ADGRG6: variants seen among roughly 807,000 people sequenced by gnomAD.
ADGRG6 encodes G-protein coupled receptor 126.
A neutral mutation model predicts 142.4 loss-of-function variants in ADGRG6; 84 were observed. The ratio of observed to expected loss-of-function variants is 0.59; its 90% CI spans 0.49 to 0.71. The LOEUF (loss-of-function observed/expected upper bound fraction) is 0.71. Ranked by LOEUF, ADGRG6 falls within the 30% of genes least tolerant of loss-of-function variation. ADGRG6 has a pLI of 0.00. For missense variants in ADGRG6, 1,367 were observed against 1,466.6 expected (o/e 0.93, Z 1.11); for synonymous variants, 521 against 520.5 (o/e 1.00, Z -0.01).
At chr6:142,411,073 G>A (rs569808149) in intron 17 of ADGRG6, among the ~76,000 whole-genome samples, 1 of 152,190 alleles carries the variant, frequency 6.6e-6, no homozygotes, top group East Asian at 1.9e-4. Flanking sequence ...GAACTCTCAA[G>A]TTTGAACCTA....
intron 22 of ADGRG6, among the ~76,000 whole-genome samples, chr6:142,428,861 T>G (rs1481927429): frequency 6.7e-6 from 1 of 150,338 alleles, no homozygotes; most frequent in Non-Finnish European, 1.5e-5. Context: ...CCTACTTAAT[T>G]TAAGTTACAG....
intron 1 of ADGRG6, among the ~76,000 whole-genome samples, chr6:142,306,299 A>G (rs1303148704): frequency 6.6e-6 from 1 of 152,210 alleles, no homozygotes; most frequent in Non-Finnish European, 1.5e-5. Context: ...AAGGAATCAT[A>G]TCGACATTTA....
In ADGRG6 at chr6:142,419,994, T is replaced by G. The variant is rs774692267; in HGVS notation, c.3209T>G (p.Val1070Gly). The G allele has an allele frequency of 6.2e-6, 10 of 1,613,576 alleles. No homozygotes were observed. The highest frequency in any genetic ancestry group is 7.6e-6 in the Non-Finnish European group (9 of 1,179,586). Residue 1070 changes from valine to glycine, a missense_variant, in exon 22 of 25, where the codon GTG (valine) becomes GGG (glycine). By Grantham distance (109) the Val-to-Gly change is moderately radical. Around this residue, in one of 3 missense-constraint regions of ADGRG6, gnomAD observed 344 missense variants for 348.7 expected, o/e 0.99. Coordinates refer to ENST00000367609, the MANE Select transcript of ADGRG6 (RefSeq NM_198569.3). The stretch of plus-strand genomic sequence containing the variant: ...GAAGTGTTAAGGAACCTGCGCAGTG[T>G]GGTTAGCTTGACCTTTCTGTTGGGC... ...REEVLRNLRS[V>G]VSLTFLLGMT...
At chr6:142,436,675 C>T (rs1399222405) in intron 22 of ADGRG6, among the ~76,000 whole-genome samples, 1 of 152,020 alleles carries the variant, frequency 6.6e-6, no homozygotes, top group Non-Finnish European at 1.5e-5. Flanking sequence ...ATGGACATAA[C>T]CAAGTATAGA....
chr6:142,433,786 T>A (rs982762694), intron 22 of ADGRG6, among the ~76,000 whole-genome samples: 10 of 152,260 alleles, frequency 6.6e-5, no homozygotes, highest in African/African-American at 2.4e-4. Flanking sequence ...CCAGTCACGA[T>A]GGCTCATGCC....
chr6:142,341,485 A>AGT (rs1779629649), intron 2 of ADGRG6, among the ~76,000 whole-genome samples: 1 of 118,940 alleles, frequency 8.4e-6, no homozygotes, highest in African/African-American at 3.3e-5. Flanking sequence ...TAGTATATAT[A>AGT]CTATATAATA....
rs1562369231 is a variant in ADGRG6 at position 142,402,822 on chromosome 6, A to C, written c.1947A>C (p.Ser649=). The change falls in exon 13 of 25, where the codon TCA becomes TCC. Residue 649 remains serine, a synonymous_variant. Coordinates refer to ENST00000367609, the MANE Select transcript of ADGRG6 (RefSeq NM_198569.3). ...GTTCAGACAGTGACTTGCTTGAGTC[A>C]TCTTCTGAGTAAGTATTTTTTTTTT... ...LSSSDSDLLE[S]SSEALKTIDE... The C allele has an allele frequency of 6.4e-7, 1 of 1,551,186 alleles. No homozygotes were observed.
Position 142,397,656 on chromosome 6 carries a change from A to G in ADGRG6, c.1468A>G (p.Thr490Ala), listed in dbSNP as rs1399242268. The change falls in exon 10 of 25, where the codon ACT becomes GCT. Residue 490 changes from threonine to alanine, a missense_variant. Thr to Ala is a moderately conservative substitution (Grantham distance 58). Around this residue, in one of 3 missense-constraint regions of ADGRG6, gnomAD observed 737 missense variants for 746.5 expected, o/e 0.99. Coordinates refer to ENST00000367609, the MANE Select transcript of ADGRG6 (RefSeq NM_198569.3). ...ALLVYNATNN[T>A]NLEGKIIQQK... The stretch of plus-strand genomic sequence containing the variant: ...TCTAGTTTACAATGCTACCAACAAT[A>G]CTAATTTGGAAGGAAAAATCATTCA... The G allele has an allele frequency of 6.2e-7, 1 of 1,608,612 alleles. No homozygotes were observed.
Position 142,408,058 on chromosome 6 carries a change from A to G in ADGRG6, c.2269-92A>G, listed in dbSNP as rs115103815. The G allele has an allele frequency of 1.3e-3, 1,157 of 886,166 alleles. 14 individuals carry two copies. The African/African-American group carries it at 0.017, about 13-fold the overall frequency. 54.9% of individuals were successfully genotyped at this position (886,166 alleles called of 1,614,324 possible). ...TTCTAGAACTGAAGATCTTAAGTGT[A>G]AAAATTGCTGACAGTTTGCTTATTT... On this transcript the variant is annotated intron_variant, in intron 15 of 24. Transcript: ENST00000367609.
Position 142,400,566 on chromosome 6 carries a change from A to G in ADGRG6, c.1649A>G (p.Asp550Gly). Residue 550 changes from aspartate (D) to glycine (G), a missense_variant, in exon 11 of 25, where the codon GAC (aspartate) becomes GGC (glycine). Asp to Gly is a moderately conservative substitution (Grantham distance 94). Around this residue, in one of 3 missense-constraint regions of ADGRG6, gnomAD observed 737 missense variants for 746.5 expected, o/e 0.99. Transcript: ENST00000367609. Reference protein sequence around the residue: ...QPSEYVLPCPDKPGFSASRIC... With the variant: ...QPSEYVLPCPGKPGFSASRIC... Reference sequence around the variant, plus strand: ...TCTGAATACGTTCTTCCTTGTCCAGACAAGCCTGGCTTTTCTGCTTCTCGG... The same window carrying G: ...TCTGAATACGTTCTTCCTTGTCCAGGCAAGCCTGGCTTTTCTGCTTCTCGG... 6.2e-7 allele frequency: 1 copy of G among 1,601,346 alleles called. No homozygotes were observed. Among genetic ancestry groups the G allele is most frequent in the East Asian group, 2.2e-5 (1 of 44,750 alleles).
chr6:142,397,983 G>C (rs1342696479), intron 10 of ADGRG6, among the ~76,000 whole-genome samples: 2 of 152,012 alleles, frequency 1.3e-5, no homozygotes, highest in African/African-American at 2.4e-5. Context: ...TTTACTTTAG[G>C]AACATATTTT....
Position 142,444,611 on chromosome 6 carries a change from G to A in ADGRG6, c.*1096G>A, listed in dbSNP as rs1164173568. 1 of 152,178 alleles carries A rather than the reference G, an allele frequency of 6.6e-6. No individual in the cohort carries two copies. Among genetic ancestry groups the A allele is most frequent in the Non-Finnish European group, 1.5e-5 (1 of 68,040 alleles). The allele number at this position is 152,178 out of a possible 1,614,324, so 9.4% of individuals were successfully genotyped here. A position where few individuals can be genotyped will look rare whatever the true frequency, so the allele number is the denominator to read the frequency against. ...AATAGCTAGTCTAAAAACTACTTGT[G>A]TGTCAGTCCTCTGGTTATAGTATAT... On this transcript the variant is annotated 3_prime_UTR_variant, in exon 25 of 25. Transcript: ENST00000367609.
intron 2 of ADGRG6, among the ~76,000 whole-genome samples, chr6:142,337,595 A>G (rs1010204313): frequency 1.3e-5 from 2 of 151,862 alleles, no homozygotes; most frequent in Admixed American, 6.6e-5. Context: ...GGAATTCTCA[A>G]CCTGATTCTC....
intron 2 of ADGRG6, among the ~76,000 whole-genome samples, chr6:142,338,484 A>T (rs1031956514): frequency 6.7e-6 from 1 of 150,304 alleles, no homozygotes; most frequent in Non-Finnish European, 1.5e-5. Flanking sequence ...TAAATATTGT[A>T]TATTTAATTA....
chr6:142,316,198 A>C (rs1172942959), intron 2 of ADGRG6, among the ~76,000 whole-genome samples: 4 of 152,084 alleles, frequency 2.6e-5, no homozygotes, highest in Non-Finnish European at 5.9e-5. Context: ...AAATTACATA[A>C]TTTTCTGCAA....
intron 22 of ADGRG6, among the ~76,000 whole-genome samples, chr6:142,421,031 A>G (rs548630144): frequency 1.2e-4 from 19 of 152,278 alleles, no homozygotes; most frequent in Non-Finnish European, 2.6e-4. Flanking sequence ...TGCTGAATAT[A>G]TCTGAGCTGG....
intron 1 of ADGRG6, among the ~76,000 whole-genome samples, chr6:142,309,295 TTA>T (rs1015553792): frequency 1.3e-5 from 2 of 151,788 alleles, no homozygotes; most frequent in African/African-American, 4.8e-5. Flanking sequence ...AAATCACCTA[TTA>T]TATATATTTT....
chr6:142,405,321 C>T (rs1012686400), intron 14 of ADGRG6: 9 of 459,774 alleles, frequency 2.0e-5, no homozygotes, highest in Non-Finnish European at 3.0e-5. Flanking sequence ...CTTTCTCTCT[C>T]CCTTGCCCCT....
intron 2 of ADGRG6, among the ~76,000 whole-genome samples, chr6:142,366,770 A>G (rs1264675042): frequency 6.7e-6 from 1 of 148,222 alleles, no homozygotes; most frequent in Non-Finnish European, 1.5e-5. Context: ...AAAAAAAAAG[A>G]TTCCTTTATA....
Sources: gnomAD v4.1 joint callset for allele counts (sites outside exome capture counted in the v4.1 genomes callset) on GRCh38, gnomAD v4.1.1 for gene constraint, gnomAD v4.1.1 regional missense constraint, MANE v1.5 for transcripts, NCBI Gene and HGNC (gene_info 2026-07-23, HGNC 2026-07-21) for gene names.